Variants in FBXO10 observed in about 807,000 individuals in gnomAD.
The protein encoded by FBXO10 is F-box protein 10, also known as F-box only protein 10.
A neutral mutation model predicts 80.7 loss-of-function variants in FBXO10; 39 were observed. That is an observed-to-expected ratio of 0.48 (90% CI 0.37 to 0.63). The LOEUF is 0.63. Among genes scored for constraint, FBXO10 ranks in the 30% least tolerant of loss-of-function variants. FBXO10 has a pLI of 0.00. For missense variants in FBXO10, 1,025 were observed against 1,269.0 expected (o/e 0.81, Z 2.92); for synonymous variants, 449 against 489.6 (o/e 0.92, Z 1.09).
chr9:37,572,029 G>T (rs962972295), intron 1 of FBXO10, among the ~76,000 whole-genome samples: 1 of 151,800 alleles, frequency 6.6e-6, no homozygotes, highest in Non-Finnish European at 1.5e-5. Flanking sequence ...TGAGGTGGGA[G>T]AGATCTCTTG....
At chr9:37,564,274 G>C (rs1822551899) in intron 1 of FBXO10, among the ~76,000 whole-genome samples, 1 of 152,264 alleles carries the variant, frequency 6.6e-6, no homozygotes, top group Non-Finnish European at 1.5e-5. Flanking sequence ...GAAACAGCTG[G>C]ATGTCCAGGA....
rs767467999 is a variant in FBXO10, at chr9:37,512,562, G to T, written c.2856C>A (p.Phe952Leu). The T allele has an allele frequency of 1.2e-6, 2 of 1,613,866 alleles. No homozygotes were observed. Among genetic ancestry groups the T allele is most frequent in the Non-Finnish European group, 1.7e-6 (2 of 1,179,804 alleles). The part of the protein sequence containing the change: ...EGGYHSNRSV[F>L]CTIL Reference sequence around the variant, plus strand: ...GTCTGTGTCCTCACAGGATGGTGCAGAAGACACTGCGGTTGCTGTGGTAAC... The same window carrying T: ...GTCTGTGTCCTCACAGGATGGTGCATAAGACACTGCGGTTGCTGTGGTAAC... The change falls in exon 11 of 11, where the codon TTC (phenylalanine) becomes TTA (leucine). Residue 952 changes from phenylalanine to leucine, a missense_variant. Phe to Leu is a conservative substitution (Grantham distance 22). Transcript: ENST00000432825.
intron 4 of FBXO10, among the ~76,000 whole-genome samples, chr9:37,529,920 C>T (rs1264990340): frequency 9.2e-5 from 14 of 151,688 alleles, no homozygotes; most frequent in Admixed American, 7.2e-4. Flanking sequence ...GTGATCCTCC[C>T]ATCTTGGCCT....
Position 37,537,928 on chromosome 9 carries a change from C to A in FBXO10, c.601G>T (p.Val201Phe), listed in dbSNP as rs200914859. 1 of 1,610,036 alleles carries A rather than the reference C, an allele frequency of 6.2e-7. No individual in the cohort carries two copies. Among genetic ancestry groups the A allele is most frequent in the Non-Finnish European group, 8.5e-7 (1 of 1,177,762 alleles). Reference protein sequence around the residue: ...PIMYKTTSGHVQFDNCNFENG... With the variant: ...PIMYKTTSGHFQFDNCNFENG... Reference sequence around the variant, plus strand: ...TCAAAGTTGCAGTTGTCAAACTGGACGTGACCTGATGTTGTCTGGGGAATG... The same window carrying A: ...TCAAAGTTGCAGTTGTCAAACTGGAAGTGACCTGATGTTGTCTGGGGAATG... Residue 201 changes from valine to phenylalanine, a missense_variant, in exon 3 of 11, where the codon GTC becomes TTC. Transcript: ENST00000432825.
At chr9:37,524,273 C>A (rs953470870) in intron 6 of FBXO10, among the ~76,000 whole-genome samples, 3 of 152,210 alleles carry the variant, frequency 2.0e-5, no homozygotes, top group African/African-American at 7.2e-5. Flanking sequence ...CCCTCTTTTG[C>A]CTTAATTATC....
At chr9:37,567,867 C>T (rs1822648660) in intron 1 of FBXO10, among the ~76,000 whole-genome samples, 1 of 152,200 alleles carries the variant, frequency 6.6e-6, no homozygotes. Flanking sequence ...TCTTCTGCGT[C>T]CTCAGGGGAA....
Position 37,525,268 on chromosome 9 carries a change from C to CA in FBXO10, c.1707-97dup, listed in dbSNP as rs913636827. 7 of 1,174,946 alleles carry CA rather than the reference C, an allele frequency of 6.0e-6. No homozygotes were observed. The African/African-American group carries it at 7.7e-5, about 13-fold the overall frequency. The allele number at this position is 1,174,946 out of a possible 1,614,324, so 72.8% of individuals were successfully genotyped here. A position where few individuals can be genotyped will look rare whatever the true frequency, so the allele number is the denominator to read the frequency against. On this transcript the variant is annotated intron_variant, in intron 5 of 10. Transcript: ENST00000432825. ...TTCTTTCATGGAAACCCTGTCTCTA[C>CA]AAAAAATACAAAAAAATTAGCCGGG...
intron 1 of FBXO10, among the ~76,000 whole-genome samples, chr9:37,574,337 A>G (rs956851977): frequency 1.3e-5 from 2 of 152,252 alleles, no homozygotes; most frequent in African/African-American, 4.8e-5. Flanking sequence ...AAGAAACCAG[A>G]GAACGGAAAC....
chr9:37,561,073 C>T (rs1025938581), intron 1 of FBXO10, among the ~76,000 whole-genome samples: 3 of 151,148 alleles, frequency 2.0e-5, no homozygotes, highest in Admixed American at 2.0e-4. Flanking sequence ...ACCCAGGAGG[C>T]GGGGCTTGCA....
At chr9:37,538,220 T>A (rs1455397019) in intron 2 of FBXO10, among the ~76,000 whole-genome samples, 1 of 152,106 alleles carries the variant, frequency 6.6e-6, no homozygotes, top group African/African-American at 2.4e-5. Flanking sequence ...CACTGCAGCA[T>A]GACTCCTCCT....
chr9:37,564,716 G>A (rs1049467801), intron 1 of FBXO10, among the ~76,000 whole-genome samples: 10 of 152,212 alleles, frequency 6.6e-5, no homozygotes, highest in African/African-American at 2.4e-4. Flanking sequence ...CCCATTTGGA[G>A]TGGGTATATT....
rs1431945744 is a variant in FBXO10 at position 37,510,927 on chromosome 9, C to T, written c.*1620G>A. 6.6e-6 allele frequency: 1 copy of T among 152,648 alleles called. No homozygotes were observed. The highest frequency in any genetic ancestry group is 1.5e-5 in the Non-Finnish European group (1 of 68,032). The allele number at this position is 152,648 out of a possible 1,614,324, so 9.5% of individuals were successfully genotyped here. ...AAAATATAGAACTTTATTTTGGTTA[C>T]TGAGGTTTTTGTTACTGTTGGTTCA... On this transcript the variant is annotated 3_prime_UTR_variant, in exon 11 of 11. Transcript: ENST00000432825.
At chr9:37,531,517 T>C (rs901970350) in intron 4 of FBXO10, among the ~76,000 whole-genome samples, 3 of 152,220 alleles carry the variant, frequency 2.0e-5, no homozygotes, top group Non-Finnish European at 4.4e-5. Flanking sequence ...AATGTCCTCT[T>C]ACACAAGTGA....
At chr9:37,554,943 G>T (rs1209671003) in intron 1 of FBXO10, among the ~76,000 whole-genome samples, 2 of 152,092 alleles carry the variant, frequency 1.3e-5, no homozygotes, top group Non-Finnish European at 2.9e-5. Flanking sequence ...AATTTTTCTT[G>T]AGTCAATACT....
At chr9:37,546,006 C>T (rs1822047332) in intron 1 of FBXO10, among the ~76,000 whole-genome samples, 1 of 151,994 alleles carries the variant, frequency 6.6e-6, no homozygotes, top group African/African-American at 2.4e-5. Context: ...ATTAGCCAGG[C>T]ATGGTGGTGC....
At chr9:37,532,271 TC>T (rs1821647120) in intron 3 of FBXO10, among the ~76,000 whole-genome samples, 1 of 149,642 alleles carries the variant, frequency 6.7e-6, no homozygotes, top group Admixed American at 6.7e-5. Flanking sequence ...CCCTGCAGGC[TC>T]CTTAGCGGTC....
At chr9:37,557,004 T>C (rs76214522) in intron 1 of FBXO10, among the ~76,000 whole-genome samples, 3,746 of 152,336 alleles carry the variant, frequency 0.025, 67 homozygotes, top group Middle Eastern at 0.068. Flanking sequence ...CAATACCTGG[T>C]GTTGACTCCT....
intron 1 of FBXO10, among the ~76,000 whole-genome samples, chr9:37,548,997 C>T (rs1363743064): frequency 6.6e-6 from 1 of 152,170 alleles, no homozygotes; most frequent in Non-Finnish European, 1.5e-5. Context: ...ATCCACCCGC[C>T]TCGGCCTCCC....
chr9:37,537,517 C>T lies in FBXO10; in HGVS notation c.1012G>A (p.Ala338Thr), dbSNP rs946888353. The T allele has an allele frequency of 3.7e-6, 6 of 1,612,466 alleles. No homozygotes were observed. Among genetic ancestry groups the T allele is most frequent in the Non-Finnish European group, 4.2e-6 (5 of 1,179,396 alleles). Residue 338 changes from alanine to threonine, a missense_variant, in exon 3 of 11, where the codon GCA (alanine) becomes ACA (threonine). Physicochemically the swap from Ala to Thr is moderately conservative, Grantham distance 58 (BLOSUM62 0). Coordinates refer to ENST00000432825, the MANE Select transcript of FBXO10 (RefSeq NM_012166.3). ...KPGSKAGSQEAEVGSDGERVA... is the reference protein window; with the variant it reads ...KPGSKAGSQETEVGSDGERVA... ...CTTTCACCATCACTACCCACCTCTG[C>T]CTCCTGTGAGCCAGCCTTGGAGCCT... is the stretch of plus-strand genomic sequence containing the variant.
Sources: gnomAD v4.1 joint callset for allele counts (sites outside exome capture counted in the v4.1 genomes callset) on GRCh38, gnomAD v4.1.1 for gene constraint, MANE v1.5 for transcripts, NCBI Gene and HGNC (gene_info 2026-07-23, HGNC 2026-07-21) for gene names.